Variants in NDFIP2 observed in about 807,000 individuals in gnomAD.
NDFIP2 encodes the protein NEDD4 family-interacting protein 2.
Under a neutral mutation model 36.0 loss-of-function variants are expected in NDFIP2, and 19 were observed. The ratio of observed to expected loss-of-function variants is 0.53; its 90% CI spans 0.37 to 0.77. The LOEUF (loss-of-function observed/expected upper bound fraction) is 0.77. NDFIP2 is among the 30% of genes least tolerant of loss of function. The probability of loss-of-function intolerance (pLI) is 0.00; values close to 1 mark genes in which losing one functional copy is unlikely to be tolerated. For synonymous variants in NDFIP2, 181 were observed against 167.7 expected (o/e 1.08, Z -0.61); for missense variants, 446 against 435.8 (o/e 1.02, Z -0.21).
chr13:79,499,345 G>A (rs541774258), intron 1 of NDFIP2, among the ~76,000 whole-genome samples: 9 of 151,920 alleles, frequency 5.9e-5, no homozygotes, highest in Non-Finnish European at 1.2e-4. Context: ...CCTCTTGACT[G>A]CTTTTCAACA....
intron 1 of NDFIP2, among the ~76,000 whole-genome samples, chr13:79,495,433 T>G (rs1271846215): frequency 6.6e-6 from 1 of 151,934 alleles, no homozygotes; most frequent in Non-Finnish European, 1.5e-5. Flanking sequence ...AAGTCTATTT[T>G]ACATGATATT....
At position 79,551,979 on chromosome 13, in the gene NDFIP2, C is replaced by G. The variant is rs190712028; in HGVS notation, c.*3-537C>G. 3.3e-4 allele frequency among the ~76,000 whole-genome samples: 50 copies of G among 151,328 alleles called. No homozygotes were observed. In the East Asian group the frequency reaches 7.5e-3, roughly 23 times the overall value. ...AAGTGTTTCAAGTTTATTAAGTATT[C>G]TTTTTTCAAATAAATAAACTGCATG... is the stretch of plus-strand genomic sequence containing the variant. On this transcript the variant is annotated intron_variant, in intron 7 of 7. Coordinates refer to ENST00000218652, the MANE Select transcript of NDFIP2 (RefSeq NM_019080.3).
intron 5 of NDFIP2, among the ~76,000 whole-genome samples, chr13:79,546,160 T>TA (rs1290384350): frequency 6.6e-6 from 1 of 152,172 alleles, no homozygotes; most frequent in Non-Finnish European, 1.5e-5. Flanking sequence ...ACATTCCTCT[T>TA]AGAGTTTAGT....
chr13:79,536,494 TTAAAA>T (rs1381025306), intron 3 of NDFIP2, among the ~76,000 whole-genome samples: 4 of 152,230 alleles, frequency 2.6e-5, no homozygotes, highest in Non-Finnish European at 5.9e-5. Flanking sequence ...GCTCTCTATT[TTAAAA>T]TATTTTGATG....
chr13:79,533,206 G>A (rs1875085206), intron 2 of NDFIP2, 117 bp from the exon 3 acceptor site: 1 of 714,722 alleles, frequency 1.4e-6, no homozygotes, highest in Non-Finnish European at 2.2e-6. Context: ...TATAACATAG[G>A]CCTATAATAG....
At chr13:79,499,444 T>G (rs1385800362) in intron 1 of NDFIP2, among the ~76,000 whole-genome samples, 1 of 151,926 alleles carries the variant, frequency 6.6e-6, no homozygotes, top group African/African-American at 2.4e-5. Context: ...TGTCTTTGTT[T>G]ACACAGGAGT....
chr13:79,537,106 G>A (rs962147678), intron 3 of NDFIP2, among the ~76,000 whole-genome samples: 1 of 151,020 alleles, frequency 6.6e-6, no homozygotes, highest in African/African-American at 2.4e-5. Flanking sequence ...TGATTTTTTG[G>A]TGGTGGTTGT....
chr13:79,519,309 A>G (rs1874471364), intron 1 of NDFIP2: 1 of 152,228 alleles, frequency 6.6e-6, no homozygotes, highest in Non-Finnish European at 1.5e-5. Context: ...TAGAGATTCC[A>G]GTTTTAAAAG....
At chr13:79,523,702 G>A (rs1594852465) in intron 2 of NDFIP2, among the ~76,000 whole-genome samples, 1 of 152,148 alleles carries the variant, frequency 6.6e-6, no homozygotes, top group African/African-American at 2.4e-5. Flanking sequence ...GTGATGATAT[G>A]AGATGATAAA....
intron 3 of NDFIP2, among the ~76,000 whole-genome samples, chr13:79,539,044 C>T (rs928089177): frequency 2.0e-5 from 3 of 149,186 alleles, no homozygotes; most frequent in South Asian, 2.2e-4. Context: ...GAAAAAAGGC[C>T]ACCAATGCCT....
At chr13:79,517,665 C>T (rs1874404790) in intron 1 of NDFIP2, among the ~76,000 whole-genome samples, 1 of 152,026 alleles carries the variant, frequency 6.6e-6, no homozygotes, top group South Asian at 2.1e-4. Context: ...TTGTCAAAAC[C>T]GTAGGTGTTA....
rs2140741033 is a variant in NDFIP2, at chr13:79,498,127, G to C, written c.321+16603G>C. Among the ~76,000 whole-genome samples the C allele has an allele frequency of 2.0e-5, 3 of 151,960 alleles. 1 individual carries two copies. The South Asian group carries it at 6.2e-4, about 32-fold the overall frequency. ...GGAGGGGCAGGGTAGATTACTACCTGTGAATTTTTATTGGAGGCATCTTAA... is the reference window on the plus strand; with the variant it reads ...GGAGGGGCAGGGTAGATTACTACCTCTGAATTTTTATTGGAGGCATCTTAA... On this transcript the variant is annotated intron_variant, in intron 1 of 7. Coordinates refer to ENST00000218652, the MANE Select transcript of NDFIP2 (RefSeq NM_019080.3).
intron 1 of NDFIP2, among the ~76,000 whole-genome samples, chr13:79,508,833 T>C: frequency 6.6e-6 from 1 of 152,212 alleles, no homozygotes; most frequent in East Asian, 1.9e-4. Context: ...TCTCTGACAG[T>C]AGGAATTACC....
intron 1 of NDFIP2, among the ~76,000 whole-genome samples, chr13:79,502,274 A>T (rs1873695841): frequency 6.6e-6 from 1 of 152,134 alleles, no homozygotes; most frequent in African/African-American, 2.4e-5. Context: ...TTTTCTTCTA[A>T]AAATATGTGA....
In NDFIP2 at chr13:79,546,176, G is replaced by A. The variant is rs191523051; in HGVS notation, c.841-2152G>A. Among the ~76,000 whole-genome samples, 3 of 152,116 alleles carry A rather than the reference G, an allele frequency of 2.0e-5. No homozygotes were observed. The East Asian group carries it at 5.8e-4, about 30-fold the overall frequency. On this transcript the variant is annotated intron_variant, in intron 5 of 7. Coordinates refer to ENST00000218652, the MANE Select transcript of NDFIP2 (RefSeq NM_019080.3). ...CATTCCTCTTAGAGTTTAGTGCTGA[G>A]AGAAAAGTTTTCTCCTAAAAACCTG...
rs1875977077 is a variant in NDFIP2, at chr13:79,553,293, C to T, written c.*780C>T. 1 of 150,924 alleles carries T rather than the reference C, an allele frequency of 6.6e-6. No individual in the cohort carries two copies. The highest frequency in any genetic ancestry group is 1.5e-5 in the Non-Finnish European group (1 of 67,292). 9.3% of individuals were successfully genotyped at this position (150,924 alleles called of 1,614,324 possible). ...AAATTTTAAGAAAATGTGGGAATACCAAATGTCCTTTATAAGAAAAATAAA... is the reference window on the plus strand; with the variant it reads ...AAATTTTAAGAAAATGTGGGAATACTAAATGTCCTTTATAAGAAAAATAAA... On this transcript the variant is annotated 3_prime_UTR_variant, in exon 8 of 8. Coordinates refer to ENST00000218652, the MANE Select transcript of NDFIP2 (RefSeq NM_019080.3).
At chr13:79,507,066 AC>A (rs1830550304) in intron 1 of NDFIP2, among the ~76,000 whole-genome samples, 1 of 152,094 alleles carries the variant, frequency 6.6e-6, no homozygotes, top group Non-Finnish European at 1.5e-5. Flanking sequence ...TGCTGTTCAT[AC>A]GTTTTGTCAT....
At chr13:79,505,212 A>G (rs1250369139) in intron 1 of NDFIP2, among the ~76,000 whole-genome samples, 1 of 152,166 alleles carries the variant, frequency 6.6e-6, no homozygotes, top group African/African-American at 2.4e-5. Context: ...ACATTTTCTC[A>G]CAGAATTGCT....
rs565081673 is a variant in NDFIP2 at position 79,512,161 on chromosome 13, A to G, written c.322-8649A>G. ...CTGGAGAATCTGTCAAAATGTCCTT[A>G]CTTAATTTGATTAAGGCAACAAAAC... On this transcript the variant is annotated intron_variant, in intron 1 of 7. Transcript: ENST00000218652. Among the ~76,000 whole-genome samples the G allele has an allele frequency of 2.0e-5, 3 of 152,264 alleles. No individual in the cohort carries two copies. In the South Asian group the frequency reaches 6.2e-4, roughly 32 times the overall value.
Sources: allele counts gnomAD v4.1 joint callset (sites outside exome capture counted in the v4.1 genomes callset), GRCh38; gene constraint gnomAD v4.1.1; transcripts MANE v1.5; gene names NCBI Gene and HGNC (gene_info 2026-07-23, HGNC 2026-07-21).